Variants in SLC28A1 observed in about 807,000 individuals in gnomAD.
SLC28A1 encodes sodium/nucleoside cotransporter 1.
SLC28A1 carries 64 observed loss-of-function variants against 74.8 expected under a neutral mutation model. That is an observed-to-expected ratio of 0.86 (90% CI 0.70 to 1.05). The LOEUF (loss-of-function observed/expected upper bound fraction) is 1.05. Ranked by LOEUF, SLC28A1 falls within the 50% of genes least tolerant of loss-of-function variation. The probability of loss-of-function intolerance (pLI) is 0.00; values close to 1 mark genes in which losing one functional copy is unlikely to be tolerated. For missense variants in SLC28A1, 828 were observed against 822.8 expected (o/e 1.01, Z -0.08); for synonymous variants, 359 against 335.0 (o/e 1.07, Z -0.78).
intron 5 of SLC28A1, among the ~76,000 whole-genome samples, chr15:84,891,712 G>A (rs1483941620): frequency 6.6e-6 from 1 of 152,180 alleles, no homozygotes; most frequent in Non-Finnish European, 1.5e-5. Flanking sequence ...TAGGGTGTAG[G>A]TGCAAAAACT....
chr15:84,916,825 C>G (rs971911118), intron 9 of SLC28A1, among the ~76,000 whole-genome samples: 13 of 152,006 alleles, frequency 8.6e-5, no homozygotes, highest in African/African-American at 2.7e-4. Flanking sequence ...GTCAGGAGCT[C>G]GAGACCAGCC....
intron 15 of SLC28A1, among the ~76,000 whole-genome samples, chr15:84,938,118 T>A (rs1972163565): frequency 6.7e-6 from 1 of 150,096 alleles, no homozygotes; most frequent in Non-Finnish European, 1.5e-5. Flanking sequence ...GAGACTCTCT[T>A]GAACCCAGGA....
At chr15:84,895,488 G>T (rs1263069127) in intron 6 of SLC28A1, 1 of 1,603,448 alleles carries the variant, frequency 6.2e-7, no homozygotes, top group African/African-American at 1.3e-5. Flanking sequence ...GATTCAGCAG[G>T]CTCGATCGGG....
rs1052052844 is a variant in SLC28A1 at position 84,908,593 on chromosome 15, C to CG, written c.718-125_718-124insG. 7.0e-5 allele frequency: 54 copies of CG among 772,672 alleles called. 1 individual carries two copies. The African/African-American group carries it at 7.7e-4, about 11-fold the overall frequency. The allele number at this position is 772,672 out of a possible 1,614,324, so 47.9% of individuals were successfully genotyped here. ...ACGCACCTTGCCAGGTGGTGCCCCC[C>CG]CCCGGATAAGGGCCTGGGGGGACTA... On this transcript the variant is annotated intron_variant, in intron 8 of 18. Coordinates refer to ENST00000394573, the MANE Select transcript of SLC28A1 (RefSeq NM_004213.5).
chr15:84,960,951 C>T, the SLC28A1 span, among the ~76,000 whole-genome samples: 1 of 152,150 alleles, frequency 6.6e-6, no homozygotes, highest in African/African-American at 2.4e-5. Flanking sequence ...CCTGAATTGG[C>T]TTTGCAGGGA....
intron 1 of SLC28A1, chr15:84,886,349 G>A (rs1329256181): frequency 3.0e-6 from 3 of 985,196 alleles, no homozygotes; most frequent in Non-Finnish European, 3.6e-6. Context: ...AAAGCTAACA[G>A]CCTGGCTGGG....
At chr15:84,956,796 C>G in the SLC28A1 span, among the ~76,000 whole-genome samples, 2 of 151,662 alleles carry the variant, frequency 1.3e-5, no homozygotes, top group African/African-American at 4.9e-5. Context: ...TGAGCTACTG[C>G]ACCTGGCCTC....
intron 15 of SLC28A1, among the ~76,000 whole-genome samples, chr15:84,937,503 A>T (rs968039611): frequency 1.3e-5 from 2 of 152,182 alleles, no homozygotes; most frequent in Non-Finnish European, 2.9e-5. Flanking sequence ...CATTGTTTTC[A>T]TTTGCATTAC....
downstream of SLC28A1, among the ~76,000 whole-genome samples, chr15:84,948,046 C>A (rs1459367565): frequency 6.6e-6 from 1 of 152,080 alleles, no homozygotes; most frequent in Non-Finnish European, 1.5e-5. Context: ...TAATTCAGCC[C>A]ATGGGTAACT....
intron 3 of SLC28A1, 147 bp from the exon 4 acceptor site, chr15:84,888,625 C>A: frequency 1.5e-6 from 1 of 668,068 alleles, no homozygotes; most frequent in East Asian, 2.7e-5. Flanking sequence ...CTTGCAGAAT[C>A]CAGTTTAGTA....
intron 2 of SLC28A1, 41 bp from the exon 3 acceptor site, chr15:84,887,704 C>T: frequency 1.3e-6 from 2 of 1,596,324 alleles, no homozygotes; most frequent in Non-Finnish European, 1.7e-6. Flanking sequence ...CCCTGCCCGG[C>T]CTCCCTTTCA....
chr15:84,912,838 AC>A (rs1567151166), intron 9 of SLC28A1, among the ~76,000 whole-genome samples: 40 of 132,426 alleles, frequency 3.0e-4, no homozygotes, highest in Non-Finnish European at 4.7e-4. Context: ...ACACACACAC[AC>A]ACACACACAG....
chr15:84,945,208 A>G lies in SLC28A1; in HGVS notation c.*8A>G, dbSNP rs72547520. 4.3e-4 allele frequency: 692 copies of G among 1,613,214 alleles called. 3 individuals are homozygous for G. In the African/African-American group the frequency reaches 8.1e-3, roughly 19 times the overall value. On this transcript the variant is annotated 3_prime_UTR_variant, in exon 19 of 19. Transcript: ENST00000394573. Reference sequence around the variant, plus strand: ...ACGATCTGTGCACAGTGAGGACAGAACATGCTTGTGCTTCTGCGCTTCTGA... The same window carrying G: ...ACGATCTGTGCACAGTGAGGACAGAGCATGCTTGTGCTTCTGCGCTTCTGA...
the SLC28A1 span, among the ~76,000 whole-genome samples, chr15:84,954,255 C>T: frequency 2.0e-5 from 3 of 152,008 alleles, no homozygotes; most frequent in Non-Finnish European, 2.9e-5. Context: ...ATCACTGTGA[C>T]CAGGGAGGTA....
chr15:84,970,608 C>T, the SLC28A1 span, among the ~76,000 whole-genome samples: 5 of 152,086 alleles, frequency 3.3e-5, no homozygotes, highest in Non-Finnish European at 5.9e-5. Context: ...TGGTGGCAGT[C>T]GGGGGTAAAT....
At chr15:84,900,401 CAAAAA>C (rs71135319) in intron 6 of SLC28A1, among the ~76,000 whole-genome samples, 3 of 58,956 alleles carry the variant, frequency 5.1e-5, no homozygotes, top group African/African-American at 6.5e-5. Context: ...GACACTGTCT[CAAAAA>C]AAAAAAAAAA....
intron 12 of SLC28A1, among the ~76,000 whole-genome samples, chr15:84,930,598 C>T (rs1455030353): frequency 6.6e-6 from 1 of 151,116 alleles, no homozygotes; most frequent in East Asian, 1.9e-4. Flanking sequence ...GAGGGGTGCC[C>T]ACGATCTGCC....
At chr15:84,922,749 C>T (rs930532143) in intron 11 of SLC28A1, among the ~76,000 whole-genome samples, 3 of 152,236 alleles carry the variant, frequency 2.0e-5, no homozygotes, top group African/African-American at 7.2e-5. Context: ...TCCCCCGCGC[C>T]CATCTGCAGC....
chr15:84,898,843 G>A (rs879747579), intron 6 of SLC28A1, among the ~76,000 whole-genome samples: 4 of 152,110 alleles, frequency 2.6e-5, no homozygotes, highest in Non-Finnish European at 5.9e-5. Context: ...AACTGAGGTG[G>A]GACCAGGAGA....
Sources: gnomAD v4.1 joint callset for allele counts (sites outside exome capture counted in the v4.1 genomes callset) on GRCh38, gnomAD v4.1.1 for gene constraint, MANE v1.5 for transcripts, NCBI Gene and HGNC (gene_info 2026-07-23, HGNC 2026-07-21) for gene names.